Variants in MACROD2 observed in about 807,000 individuals in gnomAD.
MACROD2 encodes ADP-ribose glycohydrolase MACROD2.
A neutral mutation model predicts 70.4 loss-of-function variants in MACROD2; 36 were observed. The observed-to-expected ratio is 0.51, with a 90% CI of 0.39 to 0.68. The LOEUF (loss-of-function observed/expected upper bound fraction) is 0.68, where lower values mean the gene tolerates loss of function less well. MACROD2 is among the 30% of genes least tolerant of loss of function. The pLI, the probability that MACROD2 is intolerant of heterozygous loss-of-function variation, is 0.00. For missense variants in MACROD2, 496 were observed against 538.4 expected (o/e 0.92, Z 0.78); for synonymous variants, 172 against 178.8 (o/e 0.96, Z 0.30).
intron 5 of MACROD2, among the ~76,000 whole-genome samples, chr20:14,832,992 T>C (rs144658319): frequency 1.1e-4 from 17 of 152,298 alleles, no homozygotes; most frequent in African/African-American, 4.1e-4. Context: ...AATAGAACTT[T>C]CTGTAATGAT....
chr20:14,780,101 C>T (rs2224274), intron 5 of MACROD2, among the ~76,000 whole-genome samples: 60,602 of 151,938 alleles, frequency 0.4, 13,483 homozygotes, highest in Non-Finnish European at 0.5. Context: ...TGGCGAGTGC[C>T]TATAGTCCCA....
At chr20:14,020,695 A>C (rs1245508286) in intron 2 of MACROD2, among the ~76,000 whole-genome samples, 1 of 152,166 alleles carries the variant, frequency 6.6e-6, no homozygotes, top group Non-Finnish European at 1.5e-5. Context: ...AGGCTGTAGT[A>C]GTCCATTTGT....
intron 4 of MACROD2, among the ~76,000 whole-genome samples, chr20:14,541,088 T>C (rs1296444818): frequency 6.6e-6 from 1 of 152,198 alleles, no homozygotes; most frequent in Non-Finnish European, 1.5e-5. Context: ...AATTACAGAA[T>C]TGATTCCTCT....
chr20:14,596,161 C>CT (rs1269426006), intron 4 of MACROD2, among the ~76,000 whole-genome samples: 1 of 151,728 alleles, frequency 6.6e-6, no homozygotes, highest in African/African-American at 2.4e-5. Context: ...TCTCGGCTCA[C>CT]TGCAAGCTCC....
intron 5 of MACROD2, among the ~76,000 whole-genome samples, chr20:14,711,644 AATGGGGGCCAAAC>A (rs2071340028): frequency 6.6e-6 from 1 of 152,064 alleles, no homozygotes; most frequent in Admixed American, 6.6e-5. Context: ...ACTAAATCTA[AATGGGGGCCAAAC>A]CTTCAACTTC....
intron 3 of MACROD2, among the ~76,000 whole-genome samples, chr20:14,262,185 G>C (rs977499059): frequency 6.6e-6 from 1 of 152,158 alleles, no homozygotes; most frequent in Non-Finnish European, 1.5e-5. Flanking sequence ...CAGAGGCTAA[G>C]TATAAAAGAT....
intron 5 of MACROD2, among the ~76,000 whole-genome samples, chr20:14,986,558 A>G (rs181378671): frequency 9.2e-5 from 14 of 152,322 alleles, no homozygotes; most frequent in Non-Finnish European, 1.9e-4. Flanking sequence ...AAGTTTAGGT[A>G]AATAAGCAGA....
intron 5 of MACROD2, among the ~76,000 whole-genome samples, chr20:14,939,472 A>G (rs1026644590): frequency 1.3e-5 from 2 of 152,106 alleles, no homozygotes; most frequent in African/African-American, 4.8e-5. Flanking sequence ...TCCCAGCATC[A>G]TGCTGATTTG....
At chr20:15,271,610 C>T (rs1158954281) in intron 6 of MACROD2, among the ~76,000 whole-genome samples, 2 of 152,202 alleles carry the variant, frequency 1.3e-5, no homozygotes, top group African/African-American at 2.4e-5. Context: ...CTTTTCCTGA[C>T]ATGTAGTATG....
At chr20:14,177,304 T>C (rs1244044427) in intron 3 of MACROD2, among the ~76,000 whole-genome samples, 1 of 149,546 alleles carries the variant, frequency 6.7e-6, no homozygotes, top group Non-Finnish European at 1.5e-5. Context: ...ATATCTTCTT[T>C]TTTTTTTTTT....
intron 13 of MACROD2, among the ~76,000 whole-genome samples, chr20:15,976,142 C>T (rs948330856): frequency 6.6e-6 from 1 of 152,162 alleles, no homozygotes; most frequent in African/African-American, 2.4e-5. Flanking sequence ...CAGAAACAGT[C>T]CATTTACAAA....
chr20:14,076,287 A>G (rs1168185242), intron 2 of MACROD2, among the ~76,000 whole-genome samples: 2 of 152,174 alleles, frequency 1.3e-5, no homozygotes, highest in Non-Finnish European at 1.5e-5. Flanking sequence ...CTTAGAGATT[A>G]ATGAACTCTT....
intron 5 of MACROD2, among the ~76,000 whole-genome samples, chr20:14,807,851 A>T (rs2072658475): frequency 6.6e-6 from 1 of 152,176 alleles, no homozygotes; most frequent in Non-Finnish European, 1.5e-5. Flanking sequence ...CAGAGATTGA[A>T]GATCAACTTA....
chr20:14,454,749 C>CTTT (rs11087091), intron 3 of MACROD2, among the ~76,000 whole-genome samples: 11 of 80,620 alleles, frequency 1.4e-4, no homozygotes, highest in Admixed American at 1.6e-4. Context: ...TCTCTACACT[C>CTTT]TTTTTTTTTT....
At chr20:15,518,362 T>C (rs893522538) in intron 8 of MACROD2, among the ~76,000 whole-genome samples, 1 of 152,252 alleles carries the variant, frequency 6.6e-6, no homozygotes, top group African/African-American at 2.4e-5. Context: ...TGATTTATTT[T>C]GTAGCAGCAG....
At chr20:15,727,404 A>ACC (rs1257294781) in intron 8 of MACROD2, among the ~76,000 whole-genome samples, 2 of 151,800 alleles carry the variant, frequency 1.3e-5, no homozygotes, top group Non-Finnish European at 2.9e-5. Context: ...TTTGCTTAAG[A>ACC]TTGCCTCTAT....
At chr20:14,896,281 C>A (rs916469662) in intron 5 of MACROD2, among the ~76,000 whole-genome samples, 1 of 151,426 alleles carries the variant, frequency 6.6e-6, no homozygotes, top group Non-Finnish European at 1.5e-5. Flanking sequence ...GGCGACAGAG[C>A]GCAACTCTAT....
chr20:15,097,060 C>T lies in MACROD2; in HGVS notation c.419-132880C>T, dbSNP rs563805858. ...CTCCTGACCTCAGGTGATCTGCCCG[C>T]CTCGGCCTCCCAAAGTGCTTGGATT... On this transcript the variant is annotated intron_variant, in intron 5 of 17. Transcript: ENST00000684519. Among the ~76,000 whole-genome samples the T allele has an allele frequency of 1.4e-3, 213 of 152,164 alleles. 1 individual carries two copies. Among genetic ancestry groups the T allele is most frequent in the Non-Finnish European group, 2.1e-3 (141 of 67,992 alleles).
chr20:14,903,625 A>C (rs2073923845), intron 5 of MACROD2, among the ~76,000 whole-genome samples: 2 of 152,254 alleles, frequency 1.3e-5, no homozygotes, highest in East Asian at 3.9e-4. Flanking sequence ...GGGAGCACTT[A>C]GAATTTTGAC....
Sources: gnomAD v4.1 joint callset for allele counts (sites outside exome capture counted in the v4.1 genomes callset) on GRCh38, gnomAD v4.1.1 for gene constraint, MANE v1.5 for transcripts, NCBI Gene and HGNC (gene_info 2026-07-23, HGNC 2026-07-21) for gene names.